The following LANCL2 variants were observed in gnomAD, a reference collection of about 807,000 sequenced individuals.
LANCL2 encodes LanC like glutathione S-transferase 2, also known as lanC-like protein 2.
In LANCL2, 33 loss-of-function variants were observed where a neutral mutation model predicts 56.9. The ratio of observed to expected loss-of-function variants is 0.58; its 90% CI spans 0.44 to 0.78. The LOEUF (loss-of-function observed/expected upper bound fraction) is 0.78, where lower values mean the gene tolerates loss of function less well. Ranked by LOEUF, LANCL2 falls within the 30% of genes least tolerant of loss-of-function variation. The pLI, the probability that LANCL2 is intolerant of heterozygous loss-of-function variation, is 0.00. For synonymous variants in LANCL2, 233 were observed against 228.2 expected (o/e 1.02, Z -0.19); for missense variants, 562 against 580.2 (o/e 0.97, Z 0.32).
chr7:55,378,533 C>CGTGTGTGT (rs71031838), intron 1 of LANCL2, among the ~76,000 whole-genome samples: 3 of 150,264 alleles, frequency 2.0e-5, no homozygotes, highest in African/African-American at 4.9e-5. Flanking sequence ...TATATGTATA[C>CGTGTGTGT]GTGTGTGTGT....
chr7:55,419,601 C>T (rs960466324), intron 6 of LANCL2, among the ~76,000 whole-genome samples: 3 of 151,944 alleles, frequency 2.0e-5, no homozygotes, highest in Non-Finnish European at 4.4e-5. Context: ...AGGATTTCAC[C>T]ATGTAGGCCA....
rs781014985 is a variant in LANCL2, at chr7:55,411,964, T to A, written c.883T>A (p.Tyr295Asn). 22 of 1,614,232 alleles carry A rather than the reference T, an allele frequency of 1.4e-5. No homozygotes were observed. In the East Asian group the frequency reaches 4.2e-4, roughly 31 times the overall value. The change falls in exon 6 of 9, where the codon TAT becomes AAT. Residue 295 changes from tyrosine (Y) to asparagine (N), a missense_variant. Coordinates refer to ENST00000254770, the MANE Select transcript of LANCL2 (RefSeq NM_018697.4). ...AGAAATGGTGAAACCCAGTATTGAT[T>A]ATGTGCGCCACAAAAAATTCCGATC... ...LTEMVKPSID[Y>N]VRHKKFRSGN... is the part of the protein sequence containing the mutation.
intron 5 of LANCL2, among the ~76,000 whole-genome samples, chr7:55,403,246 G>T (rs1428506744): frequency 6.6e-6 from 1 of 152,284 alleles, no homozygotes; most frequent in African/African-American, 2.4e-5. Flanking sequence ...CTGGAGACCA[G>T]CCTGGCCAAC....
intron 5 of LANCL2, among the ~76,000 whole-genome samples, chr7:55,402,030 A>G (rs188271729): frequency 3.0e-3 from 410 of 136,494 alleles, no homozygotes; most frequent in Middle Eastern, 0.015. Context: ...CATTGTCATC[A>G]TGGCCCGTTC....
chr7:55,405,305 G>A (rs1790392570), intron 5 of LANCL2, among the ~76,000 whole-genome samples: 1 of 152,164 alleles, frequency 6.6e-6, no homozygotes, highest in South Asian at 2.1e-4. Flanking sequence ...GGAGGGACTG[G>A]ATGAGGTGCA....
intron 5 of LANCL2, among the ~76,000 whole-genome samples, chr7:55,407,992 C>T (rs1023912819): frequency 6.6e-6 from 1 of 152,084 alleles, no homozygotes; most frequent in Non-Finnish European, 1.5e-5. Context: ...CAGAAAAGCC[C>T]CAGCTTGAAA....
chr7:55,370,513 A>G (rs778024032), intron 1 of LANCL2, among the ~76,000 whole-genome samples: 2 of 152,206 alleles, frequency 1.3e-5, no homozygotes, highest in East Asian at 3.9e-4. Flanking sequence ...TGGGAGAGAA[A>G]TTGCTGTGAT....
intron 1 of LANCL2, among the ~76,000 whole-genome samples, chr7:55,389,179 G>C (rs929986173): frequency 3.9e-5 from 6 of 152,158 alleles, no homozygotes; most frequent in Admixed American, 3.9e-4. Context: ...ATTTGTTTTT[G>C]AGGATCTGGG....
chr7:55,399,344 CTTTT>C (rs201305522), intron 3 of LANCL2, among the ~76,000 whole-genome samples: 1 of 138,718 alleles, frequency 7.2e-6, no homozygotes, highest in East Asian at 2.1e-4. Flanking sequence ...CATTGCAGTC[CTTTT>C]TTTTTTTTTT....
Position 55,365,976 on chromosome 7 carries a change from G to C in LANCL2, c.-50G>C. The stretch of plus-strand genomic sequence containing the variant: ...GGAGGCGGCGGCGGGGCGAGCTGCA[G>C]CGCCGGGACAGGAGGTTTGTCCCCG... On this transcript the variant is annotated 5_prime_UTR_variant, in exon 1 of 9. Transcript: ENST00000254770. 7.4e-7 allele frequency: 1 copy of C among 1,342,290 alleles called. No individual in the cohort carries two copies. The highest frequency in any genetic ancestry group is 1.7e-5 in the South Asian group (1 of 60,374). The allele number at this position is 1,342,290 out of a possible 1,614,324, so 83.1% of individuals were successfully genotyped here.
At chr7:55,402,941 C>T (rs1790358364) in intron 5 of LANCL2, among the ~76,000 whole-genome samples, 2 of 151,436 alleles carry the variant, frequency 1.3e-5, no homozygotes, top group Non-Finnish European at 3.0e-5. Context: ...CAGAGATGCT[C>T]CTCACTTTCC....
intron 5 of LANCL2, among the ~76,000 whole-genome samples, chr7:55,405,410 G>T (rs1464859637): frequency 4.0e-5 from 6 of 150,500 alleles, no homozygotes; most frequent in African/African-American, 7.3e-5. Flanking sequence ...CAGACACCAT[G>T]TTTAATTTGA....
At position 55,393,115 on chromosome 7, in the gene LANCL2, G is replaced by A. The variant is rs937918390; in HGVS notation, c.322+1205G>A. ...ATTCAGAACATTCTAATAATTATTC[G>A]GGGAATATAAAGGATATAAAAGATA... On this transcript the variant is annotated intron_variant, in intron 2 of 8. Transcript: ENST00000254770. Among the ~76,000 whole-genome samples the A allele has an allele frequency of 4.0e-5, 6 of 151,854 alleles. No homozygotes were observed. The East Asian group carries it at 5.8e-4, about 15-fold the overall frequency.
At position 55,365,914 on chromosome 7, in the gene LANCL2, C is replaced by G. The variant is rs1056207044; in HGVS notation, c.-112C>G. The G allele has an allele frequency of 2.4e-6, 2 of 828,496 alleles. No homozygotes were observed. Among genetic ancestry groups the G allele is most frequent in the African/African-American group, 3.6e-5 (2 of 54,904 alleles). 51.3% of individuals were successfully genotyped at this position (828,496 alleles called of 1,614,324 possible). On this transcript the variant is annotated 5_prime_UTR_variant, in exon 1 of 9. Coordinates refer to ENST00000254770, the MANE Select transcript of LANCL2 (RefSeq NM_018697.4). ...CTCCTCCCGCCAGCGCGCGGCCTCG[C>G]TCCTCCTAGAGGACGCTCTCTGCGC... is the stretch of plus-strand genomic sequence containing the variant.
Position 55,432,448 on chromosome 7 carries a change from C to T in LANCL2, c.*1128C>T, listed in dbSNP as rs1391432988. ...TGACTTTTATTTGAAAAAATGTGAG[C>T]AGTAATTTGGGTTAGCCTACCTTCA... On this transcript the variant is annotated 3_prime_UTR_variant, in exon 9 of 9. Coordinates refer to ENST00000254770, the MANE Select transcript of LANCL2 (RefSeq NM_018697.4). 2 of 152,118 alleles carry T rather than the reference C, an allele frequency of 1.3e-5. No individual in the cohort carries two copies. The highest frequency in any genetic ancestry group is 2.4e-5 in the African/African-American group (1 of 41,420). The allele number at this position is 152,118 out of a possible 1,614,324, so 9.4% of individuals were successfully genotyped here.
intron 1 of LANCL2, among the ~76,000 whole-genome samples, chr7:55,384,859 A>T (rs1790107379): frequency 6.6e-6 from 1 of 152,156 alleles, no homozygotes; most frequent in Non-Finnish European, 1.5e-5. Flanking sequence ...TAAGATTAAA[A>T]CACTACCATC....
At chr7:55,376,642 C>T (rs906668717) in intron 1 of LANCL2, among the ~76,000 whole-genome samples, 1 of 152,248 alleles carries the variant, frequency 6.6e-6, no homozygotes, top group African/African-American at 2.4e-5. Context: ...TCCTGAATGC[C>T]TTCCACAAGG....
rs576339691 is a variant in LANCL2 at position 55,365,849 on chromosome 7, G to T, written c.-177G>T. ...CCGCCTCTGCGGCCGCCTGATGTGC[G>T]AGCAGCCCGCGACGAGGCAGTGCAC... On this transcript the variant is annotated 5_prime_UTR_variant, in exon 1 of 9. The change creates a premature stop within an existing upstream ORF in the 5' untranslated region. Transcript: ENST00000254770. 1 of 469,844 alleles carries T rather than the reference G, an allele frequency of 2.1e-6. No homozygotes were observed. Among genetic ancestry groups the T allele is most frequent in the Non-Finnish European group, 3.7e-6 (1 of 269,572 alleles). The allele number at this position is 469,844 out of a possible 1,614,324, so 29.1% of individuals were successfully genotyped here.
chr7:55,379,352 A>G (rs1248770077), intron 1 of LANCL2, among the ~76,000 whole-genome samples: 2 of 152,194 alleles, frequency 1.3e-5, no homozygotes, highest in Non-Finnish European at 1.5e-5. Context: ...TTTTATCATG[A>G]AAAATAAGAA....
Sources: gnomAD v4.1 joint callset for allele counts (sites outside exome capture counted in the v4.1 genomes callset) on GRCh38, gnomAD v4.1.1 for gene constraint, MANE v1.5 for transcripts, NCBI Gene and HGNC (gene_info 2026-07-23, HGNC 2026-07-21) for gene names.